Variants in DIP2C observed in about 807,000 individuals in gnomAD.
The protein encoded by DIP2C is disco-interacting protein 2 homolog C.
In DIP2C, 33 loss-of-function variants were observed where a neutral mutation model predicts 192.4. That is an observed-to-expected ratio of 0.17 (90% CI 0.13 to 0.23). The LOEUF (loss-of-function observed/expected upper bound fraction) is 0.23. DIP2C is among the 10% of genes least tolerant of loss of function. The probability of loss-of-function intolerance (pLI) is 1.00; values close to 1 mark genes in which losing one functional copy is unlikely to be tolerated. For synonymous variants in DIP2C, 979 were observed against 864.1 expected (o/e 1.13, Z -2.33); for missense variants, 1,537 against 2,110.1 (o/e 0.73, Z 5.32).
chr10:500,371 G>A (rs1044879951), intron 1 of DIP2C, among the ~76,000 whole-genome samples: 11 of 152,264 alleles, frequency 7.2e-5, no homozygotes, highest in African/African-American at 2.7e-4. Flanking sequence ...GACCCCACAA[G>A]TCCAGGATAC....
intron 6 of DIP2C, 69 bp from the exon 7 acceptor site, chr10:415,957 A>G (rs2133110540): frequency 2.5e-6 from 4 of 1,602,838 alleles, no homozygotes; most frequent in South Asian, 2.2e-5. Flanking sequence ...ACAGTCCCAC[A>G]GTCCCACAGC....
intron 4 of DIP2C, among the ~76,000 whole-genome samples, chr10:428,723 C>CTGCTCTT: frequency 6.6e-6 from 1 of 152,140 alleles, no homozygotes; most frequent in East Asian, 1.9e-4. Flanking sequence ...TCAAAGGCTC[C>CTGCTCTT]TGCTCTTTTC....
chr10:442,891 T>C (rs1967861791), intron 3 of DIP2C, among the ~76,000 whole-genome samples: 1 of 152,244 alleles, frequency 6.6e-6, no homozygotes, highest in South Asian at 2.1e-4. Flanking sequence ...TGAATTGCAT[T>C]TATTTGTCAA....
At chr10:482,222 T>C (rs1843664777) in intron 2 of DIP2C, among the ~76,000 whole-genome samples, 1 of 152,118 alleles carries the variant, frequency 6.6e-6, no homozygotes. Context: ...TCGGGAGCCC[T>C]GGTAGCAGGG....
chr10:319,152 A>G (rs926010990), intron 31 of DIP2C, among the ~76,000 whole-genome samples: 5 of 152,042 alleles, frequency 3.3e-5, no homozygotes, highest in Non-Finnish European at 7.4e-5. Context: ...ACCTCAAATA[A>G]TCCACCCGCC....
chr10:327,557 A>G (rs1299593144), intron 30 of DIP2C, among the ~76,000 whole-genome samples: 1 of 152,140 alleles, frequency 6.6e-6, no homozygotes, highest in Non-Finnish European at 1.5e-5. Context: ...ACTGGAGAGG[A>G]ACGGGAAAAA....
intron 1 of DIP2C, among the ~76,000 whole-genome samples, chr10:507,688 A>T (rs1000588077): frequency 6.6e-6 from 1 of 152,194 alleles, no homozygotes; most frequent in Non-Finnish European, 1.5e-5. Context: ...AAAACGATAC[A>T]TATGCGCACA....
At chr10:668,208 A>G (rs576797807) in intron 1 of DIP2C, 1 of 152,416 alleles carries the variant, frequency 6.6e-6, no homozygotes, top group East Asian at 1.9e-4. Flanking sequence ...CACAACATAC[A>G]CATACAACAC....
At chr10:344,144 C>CA (rs1958296265) in intron 28 of DIP2C, among the ~76,000 whole-genome samples, 1 of 152,220 alleles carries the variant, frequency 6.6e-6, no homozygotes, top group African/African-American at 2.4e-5. Context: ...CTGGCTATGA[C>CA]AGTGGGAGGG....
In DIP2C at chr10:619,113, G is replaced by A. The variant is rs148418012; in HGVS notation, c.85+70381C>T. On this transcript the variant is annotated intron_variant, in intron 1 of 36. Coordinates refer to ENST00000280886, the MANE Select transcript of DIP2C (RefSeq NM_014974.3). ...CCTTCAGTTATGTGAGGAAAGGCAC[G>A]GTGAGCCCCCTTCCTTCAGTAAAAC... 5.8e-3 allele frequency among the ~76,000 whole-genome samples: 885 copies of A among 152,198 alleles called. 6 individuals are homozygous for A. Among genetic ancestry groups the A allele is most frequent in the South Asian group, 7.7e-3 (37 of 4,812 alleles).
At chr10:686,826 G>A (rs909166589) in intron 1 of DIP2C, among the ~76,000 whole-genome samples, 1 of 152,242 alleles carries the variant, frequency 6.6e-6, no homozygotes, top group Non-Finnish European at 1.5e-5. Context: ...ATGTAATGGC[G>A]CCCAGCAGGC....
At chr10:460,559 AT>A (rs1237121935) in intron 3 of DIP2C, among the ~76,000 whole-genome samples, 3 of 152,256 alleles carry the variant, frequency 2.0e-5, no homozygotes, top group Admixed American at 6.5e-5. Context: ...TATGTAAGCA[AT>A]AACAAAATTA....
intron 32 of DIP2C, among the ~76,000 whole-genome samples, chr10:300,956 A>G (rs963362853): frequency 7.9e-5 from 12 of 152,256 alleles, no homozygotes; most frequent in Non-Finnish European, 1.5e-5. Context: ...GACATCTTTT[A>G]TTAAACAGAA....
intron 7 of DIP2C, among the ~76,000 whole-genome samples, chr10:414,757 A>ATATATATATATATATAT (rs60489200): frequency 1.4e-5 from 1 of 69,574 alleles, no homozygotes; most frequent in Non-Finnish European, 2.9e-5. Context: ...ATATATATAT[A>ATATATATATATATATAT]ATGTGTATAT....
chr10:487,222 T>C (rs2133560238), intron 1 of DIP2C, among the ~76,000 whole-genome samples: 1 of 152,320 alleles, frequency 6.6e-6, no homozygotes, highest in African/African-American at 2.4e-5. Flanking sequence ...ATTCACAAGC[T>C]CCAGCACACA....
At chr10:527,180 C>T (rs565459138) in intron 1 of DIP2C, among the ~76,000 whole-genome samples, 2 of 152,208 alleles carry the variant, frequency 1.3e-5, no homozygotes, top group East Asian at 1.9e-4. Context: ...GGCCCCGTAC[C>T]GTGCGAAGTG....
chr10:657,937 C>G (rs1477298938), intron 1 of DIP2C, among the ~76,000 whole-genome samples: 808 of 148,256 alleles, frequency 5.5e-3, no homozygotes, highest in African/African-American at 0.02. Flanking sequence ...GGACCTGCCC[C>G]TGGACCTGCC....
chr10:664,978 T>C (rs1300888749), intron 1 of DIP2C: 1 of 152,106 alleles, frequency 6.6e-6, no homozygotes, highest in Non-Finnish European at 1.5e-5. Context: ...CAAGAAAATA[T>C]CTACTGAATC....
At chr10:590,053 TCA>T (rs1168827592) in intron 1 of DIP2C, among the ~76,000 whole-genome samples, 2 of 152,194 alleles carry the variant, frequency 1.3e-5, no homozygotes, top group Admixed American at 6.5e-5. Context: ...GGTTTCCACA[TCA>T]CACAGGGCCT....
Sources: gnomAD v4.1 joint callset for allele counts (sites outside exome capture counted in the v4.1 genomes callset) on GRCh38, gnomAD v4.1.1 for gene constraint, MANE v1.5 for transcripts, NCBI Gene and HGNC (gene_info 2026-07-23, HGNC 2026-07-21) for gene names.